The following MELK variants were observed in gnomAD, a reference collection of about 807,000 sequenced individuals.
MELK encodes the protein pEg3 kinase.
In MELK, 81 loss-of-function variants were observed where a neutral mutation model predicts 85.0. The observed-to-expected ratio is 0.95, with a 90% CI of 0.80 to 1.15. The LOEUF is 1.15. MELK is among the 50% of genes most tolerant of loss of function. MELK has a pLI of 0.00. For missense variants in MELK, 754 were observed against 777.5 expected (o/e 0.97, Z 0.36); for synonymous variants, 252 against 265.0 (o/e 0.95, Z 0.48).
chr9:36,661,588 A>G (rs1313843982), intron 13 of MELK, among the ~76,000 whole-genome samples: 4 of 152,152 alleles, frequency 2.6e-5, no homozygotes, highest in Non-Finnish European at 4.4e-5. Context: ...AAACAATGAA[A>G]CAAATAAAAC....
intron 13 of MELK, among the ~76,000 whole-genome samples, chr9:36,664,439 T>A (rs1184737420): frequency 3.9e-5 from 6 of 152,200 alleles, no homozygotes; most frequent in Non-Finnish European, 8.8e-5. Flanking sequence ...TTGTGCGTGC[T>A]TCTACCAGGT....
At chr9:36,632,176 A>G (rs1443090891) in intron 9 of MELK, among the ~76,000 whole-genome samples, 1 of 152,188 alleles carries the variant, frequency 6.6e-6, no homozygotes, top group Non-Finnish European at 1.5e-5. Flanking sequence ...GAAATTTTGC[A>G]TTTCTAACAA....
intron 10 of MELK, among the ~76,000 whole-genome samples, chr9:36,641,133 A>G (rs1829715202): frequency 6.6e-6 from 1 of 152,234 alleles, no homozygotes; most frequent in Non-Finnish European, 1.5e-5. Flanking sequence ...TGGCGGAACT[A>G]GAAAACGGAA....
intron 4 of MELK, among the ~76,000 whole-genome samples, chr9:36,593,227 G>T (rs1448753154): frequency 2.8e-5 from 4 of 142,674 alleles, no homozygotes; most frequent in Non-Finnish European, 4.5e-5. Flanking sequence ...CCGTGTCATA[G>T]TTTATATAGT....
chr9:36,584,436 G>A (rs1355470804), intron 3 of MELK, among the ~76,000 whole-genome samples: 1 of 149,210 alleles, frequency 6.7e-6, no homozygotes, highest in Non-Finnish European at 1.5e-5. Flanking sequence ...TCCTGCCTCA[G>A]CCTCCTGAGT....
At chr9:36,630,163 A>G (rs997415008) in intron 8 of MELK, 136 bp from the exon 9 acceptor site, 3 of 703,848 alleles carry the variant, frequency 4.3e-6, no homozygotes, top group Non-Finnish European at 7.3e-6. Context: ...GATTTTTTTT[A>G]GTTAATAATG....
chr9:36,648,246 G>C (rs186824730), intron 11 of MELK, among the ~76,000 whole-genome samples: 42 of 152,270 alleles, frequency 2.8e-4, no homozygotes, highest in Middle Eastern at 3.4e-3. Flanking sequence ...TAGAAGTTTG[G>C]AAGATATAGG....
At chr9:36,589,205 G>A (rs2135298092) in intron 3 of MELK, among the ~76,000 whole-genome samples, 1 of 151,914 alleles carries the variant, frequency 6.6e-6, no homozygotes, top group Non-Finnish European at 1.5e-5. Flanking sequence ...CGGGAGTGCA[G>A]TGGCGCAATC....
chr9:36,666,756 C>A (rs919216654), intron 14 of MELK, among the ~76,000 whole-genome samples: 12 of 152,066 alleles, frequency 7.9e-5, no homozygotes, highest in Admixed American at 5.2e-4. Context: ...TGCTAGAAGT[C>A]CCATTTTTAT....
intron 14 of MELK, among the ~76,000 whole-genome samples, chr9:36,666,431 C>T (rs1243822053): frequency 2.0e-5 from 3 of 151,918 alleles, no homozygotes; most frequent in East Asian, 3.9e-4. Context: ...GACCTGATGC[C>T]TAGTACATAA....
At chr9:36,583,781 T>C (rs1264186185) in intron 3 of MELK, 69 bp downstream of exon 3, 1 of 1,053,856 alleles carries the variant, frequency 9.5e-7, no homozygotes, top group Non-Finnish European at 1.4e-6. Context: ...CCTGAATTGT[T>C]CTAATGTTCT....
intron 11 of MELK, among the ~76,000 whole-genome samples, chr9:36,644,443 T>C (rs1325351117): frequency 6.6e-6 from 1 of 152,218 alleles, no homozygotes; most frequent in African/African-American, 2.4e-5. Flanking sequence ...AAGGCACAAT[T>C]CTTTTCAGTA....
At position 36,597,287 on chromosome 9, in the gene MELK, C is replaced by G. The variant is rs139481227; in HGVS notation, c.471C>G (p.Pro157=). ...TTGACTTTGGTCTCTGTGCAAAACC[C>G]AAGGTAAGTGCAGAAATAAGATGCA... ...KLIDFGLCAK[P]KGNKDYHLQT... is the part of the protein sequence containing the mutation. Residue 157 remains proline (P), a synonymous_variant, in exon 6 of 18, where the codon CCC becomes CCG. Coordinates refer to ENST00000298048, the MANE Select transcript of MELK (RefSeq NM_014791.4). 839 of 1,611,084 alleles carry G rather than the reference C, an allele frequency of 5.2e-4. No homozygotes were observed. Among genetic ancestry groups the G allele is most frequent in the Non-Finnish European group, 6.8e-4 (799 of 1,177,622 alleles).
At chr9:36,594,839 A>G in intron 5 of MELK, 68 bp downstream of exon 5, 6 of 1,531,214 alleles carry the variant, frequency 3.9e-6, no homozygotes, top group Non-Finnish European at 5.3e-6. Context: ...TAGGTTTACA[A>G]ATGATCTGAT....
At chr9:36,615,776 T>C (rs1826667815) in intron 8 of MELK, among the ~76,000 whole-genome samples, 6 of 146,520 alleles carry the variant, frequency 4.1e-5, no homozygotes, top group African/African-American at 1.6e-4. Flanking sequence ...GCAGAGACGC[T>C]CCTCACTTCC....
At chr9:36,643,946 AAAAG>A (rs1430104175) in intron 11 of MELK, among the ~76,000 whole-genome samples, 3 of 151,844 alleles carry the variant, frequency 2.0e-5, no homozygotes, top group Admixed American at 6.6e-5. Flanking sequence ...AAAAAAAAAA[AAAAG>A]AAAAGAAACA....
chr9:36,671,718 T>C (rs141927137), intron 16 of MELK, among the ~76,000 whole-genome samples: 19 of 152,340 alleles, frequency 1.2e-4, no homozygotes, highest in East Asian at 9.6e-4. Context: ...GTGGACAATA[T>C]ATTTAGTCAA....
chr9:36,624,366 A>G (rs1047696171), intron 8 of MELK, among the ~76,000 whole-genome samples: 4 of 152,140 alleles, frequency 2.6e-5, no homozygotes, highest in Non-Finnish European at 5.9e-5. Flanking sequence ...AACCTAGCCA[A>G]TTTGTTTTCA....
intron 6 of MELK, among the ~76,000 whole-genome samples, chr9:36,598,261 T>C (rs576656889): frequency 1.3e-5 from 2 of 152,066 alleles, no homozygotes; most frequent in African/African-American, 4.8e-5. Flanking sequence ...GTTTAAGTTG[T>C]TCTCCATGGG....
Sources: gnomAD v4.1 joint callset for allele counts (sites outside exome capture counted in the v4.1 genomes callset) on GRCh38, gnomAD v4.1.1 for gene constraint, MANE v1.5 for transcripts, NCBI Gene and HGNC (gene_info 2026-07-23, HGNC 2026-07-21) for gene names.